ACADM: variants seen among roughly 807,000 people sequenced by gnomAD.
The protein encoded by ACADM is acyl-CoA dehydrogenase medium chain.
Under a neutral mutation model 58.9 loss-of-function variants are expected in ACADM, and 49 were observed. The observed-to-expected ratio is 0.83, with a 90% CI of 0.66 to 1.06. The LOEUF (loss-of-function observed/expected upper bound fraction) is 1.06. ACADM is among the 50% of genes least tolerant of loss of function. The probability of loss-of-function intolerance (pLI) is 0.00; values close to 1 mark genes in which losing one functional copy is unlikely to be tolerated. For synonymous variants in ACADM, 160 were observed against 157.7 expected, an observed-to-expected ratio of 1.01 and a Z score of -0.11; for missense variants, 496 against 507.0, an observed-to-expected ratio of 0.98 and a Z score of 0.21.
At position 75,755,726 on chromosome 1, in the gene ACADM, C is replaced by A. The variant is rs1648469511; in HGVS notation, c.945+5180C>A. Among the ~76,000 whole-genome samples the A allele has an allele frequency of 2.0e-5, 3 of 152,342 alleles. No homozygotes were observed. The South Asian group carries it at 6.2e-4, about 32-fold the overall frequency. On this transcript the variant is annotated intron_variant, in intron 10 of 11. Transcript: ENST00000370841. ...CCTCTTCTCCTCCAAAGGAATGCAG[C>A]TCCTCGCCAGCAACGGAAGAAAGCT...
chr1:75,758,623 A>G (rs1648641809), intron 10 of ACADM, among the ~76,000 whole-genome samples: 1 of 140,076 alleles, frequency 7.1e-6, no homozygotes, highest in African/African-American at 2.4e-5. Flanking sequence ...ACTAATCAGC[A>G]CTCTCTGTCT....
intron 1 of ACADM, among the ~76,000 whole-genome samples, chr1:75,726,997 G>A (rs1011093192): frequency 5.3e-5 from 8 of 151,840 alleles, no homozygotes; most frequent in African/African-American, 1.9e-4. Context: ...TAGAAATGGG[G>A]TTTCACCATG....
intron 2 of ACADM, among the ~76,000 whole-genome samples, chr1:75,732,177 G>A (rs1463349703): frequency 1.3e-5 from 2 of 151,310 alleles, no homozygotes; most frequent in Non-Finnish European, 2.9e-5. Flanking sequence ...TTATGATATT[G>A]ATATTCTTAT....
chr1:75,760,983 G>T (rs1341884009), intron 10 of ACADM, 139 bp from the exon 11 acceptor site: 1 of 779,120 alleles, frequency 1.3e-6, no homozygotes, highest in East Asian at 2.7e-5. Flanking sequence ...TAAGTAGGAG[G>T]ATTGCTTGAG....
intron 11 of ACADM, 54 bp downstream of exon 11, chr1:75,761,424 G>T: frequency 1.3e-6 from 2 of 1,581,820 alleles, no homozygotes; most frequent in South Asian, 2.2e-5. Flanking sequence ...ATTCATAAAT[G>T]ACAACGTGGA....
chr1:75,756,950 GA>G (rs1648541001), intron 10 of ACADM, among the ~76,000 whole-genome samples: 2 of 152,206 alleles, frequency 1.3e-5, no homozygotes, highest in South Asian at 4.1e-4. Context: ...ACAAACACAA[GA>G]AATGGGGGAA....
At position 75,732,715 on chromosome 1, in the gene ACADM, G is replaced by T; in HGVS notation, c.190G>T (p.Ala64Ser). ...TGCCAGAGAGGAAATCATCCCAGTG[G>T]CTGCAGAATATGATAAAACTGGTGA... ...KFAREEIIPVAAEYDKTGEYP... is the reference protein window; with the variant it reads ...KFAREEIIPVSAEYDKTGEYP... The change falls in exon 3 of 12, where the codon GCT becomes TCT. Residue 64 changes from alanine (A) to serine (S), a missense_variant. Ala to Ser is a moderately conservative substitution (Grantham distance 99). Coordinates refer to ENST00000370841, the MANE Select transcript of ACADM (RefSeq NM_000016.6). 6.2e-7 allele frequency: 1 copy of T among 1,613,904 alleles called. No homozygotes were observed. The highest frequency in any genetic ancestry group is 8.5e-7 in the Non-Finnish European group (1 of 1,179,862).
At chr1:75,737,279 A>AATAT (rs368688785) in intron 6 of ACADM, among the ~76,000 whole-genome samples, 959 of 42,770 alleles carry the variant, frequency 0.022, 32 homozygotes, top group Non-Finnish European at 0.028. Flanking sequence ...CACACACACA[A>AATAT]ATATATATAT....
intron 6 of ACADM, among the ~76,000 whole-genome samples, chr1:75,737,248 C>T (rs568885328): frequency 7.5e-5 from 9 of 120,110 alleles, no homozygotes; most frequent in African/African-American, 1.3e-4. Context: ...GCCTGGACAA[C>T]GTTGAGAGAC....
intron 11 of ACADM, 73 bp downstream of exon 11, chr1:75,761,443 T>A: frequency 6.4e-7 from 1 of 1,550,558 alleles, no homozygotes; most frequent in Non-Finnish European, 8.9e-7. Flanking sequence ...GATTTCTGAT[T>A]ATTTAGAAAT....
intron 10 of ACADM, among the ~76,000 whole-genome samples, chr1:75,759,167 C>G (rs1454341419): frequency 2.6e-5 from 4 of 152,290 alleles, no homozygotes; most frequent in Non-Finnish European, 5.9e-5. Flanking sequence ...TTCTTGAAGT[C>G]AGCAAGACCA....
At chr1:75,744,730 AG>A (rs1647790214) in intron 7 of ACADM, 1 of 750,132 alleles carries the variant, frequency 1.3e-6, no homozygotes, top group Non-Finnish European at 2.5e-6. Context: ...GAAGGCAGAG[AG>A]CGAGTGGCTG....
intron 1 of ACADM, among the ~76,000 whole-genome samples, chr1:75,725,595 A>G (rs973125536): frequency 6.6e-6 from 1 of 152,234 alleles, no homozygotes; most frequent in Non-Finnish European, 1.5e-5. Context: ...GGATCTAAAA[A>G]AAACCTGATA....
At chr1:75,761,080 T>C in intron 10 of ACADM, 42 bp from the exon 11 acceptor site, 1 of 1,581,430 alleles carries the variant, frequency 6.3e-7, no homozygotes, top group Non-Finnish European at 8.6e-7. Context: ...CTTTTAAGTT[T>C]TCTCAATAAA....
chr1:75,735,074 C>T (rs1243935009), intron 6 of ACADM, among the ~76,000 whole-genome samples: 2 of 152,086 alleles, frequency 1.3e-5, no homozygotes, highest in African/African-American at 2.4e-5. Flanking sequence ...AATCCCAGCA[C>T]TTTGGGAGGC....
In ACADM at chr1:75,760,169, C is replaced by G. The variant is rs1269635965; in HGVS notation, c.946-953C>G. On this transcript the variant is annotated intron_variant, in intron 10 of 11. Coordinates refer to ENST00000370841, the MANE Select transcript of ACADM (RefSeq NM_000016.6). ...AGTGCGGTGGCTCACACCTGTAATC[C>G]TAGCACTTTGGGAGGCTGAGGCGGG... is the stretch of plus-strand genomic sequence containing the variant. Among the ~76,000 whole-genome samples the G allele has an allele frequency of 2.0e-5, 3 of 149,412 alleles. No individual in the cohort carries two copies. The East Asian group carries it at 6.1e-4, about 30-fold the overall frequency.
chr1:75,758,915 C>T (rs1210996468), intron 10 of ACADM, among the ~76,000 whole-genome samples: 1 of 152,238 alleles, frequency 6.6e-6, no homozygotes, highest in Non-Finnish European at 1.5e-5. Context: ...GCTTTGGTCC[C>T]TTTCCACGCT....
intron 2 of ACADM, among the ~76,000 whole-genome samples, chr1:75,731,372 C>G (rs1647147731): frequency 6.6e-6 from 1 of 152,034 alleles, no homozygotes; most frequent in South Asian, 2.1e-4. Flanking sequence ...TTCTCACATC[C>G]CCATACAAAT....
intron 7 of ACADM, chr1:75,743,670 G>T: frequency 6.8e-7 from 1 of 1,476,102 alleles, no homozygotes; most frequent in Non-Finnish European, 9.5e-7. Flanking sequence ...TGCTAATGGT[G>T]AAGGTACCAC....
Sources: allele counts gnomAD v4.1 joint callset (sites outside exome capture counted in the v4.1 genomes callset), GRCh38; gene constraint gnomAD v4.1.1; transcripts MANE v1.5; gene names NCBI Gene and HGNC (gene_info 2026-07-23, HGNC 2026-07-21).